The following FARP1 variants were observed in gnomAD, a reference collection of about 807,000 sequenced individuals.
The protein encoded by FARP1 is FERM, ARHGEF and pleckstrin domain-containing protein 1.
FARP1 carries 52 observed loss-of-function variants against 128.8 expected under a neutral mutation model. That is an observed-to-expected ratio of 0.40 (90% CI 0.32 to 0.51). The LOEUF (loss-of-function observed/expected upper bound fraction) is 0.51, where lower values mean the gene tolerates loss of function less well. FARP1 is among the 20% of genes least tolerant of loss of function. The probability of loss-of-function intolerance (pLI) is 0.45; values close to 1 mark genes in which losing one functional copy is unlikely to be tolerated. For synonymous variants in FARP1, 580 were observed against 551.8 expected, an observed-to-expected ratio of 1.05 and a Z score of -0.72; for missense variants, 1,333 against 1,367.9, an observed-to-expected ratio of 0.97 and a Z score of 0.40.
At chr13:98,276,861 G>A (rs1422667172) in intron 2 of FARP1, among the ~76,000 whole-genome samples, 1 of 151,730 alleles carries the variant, frequency 6.6e-6, no homozygotes, top group African/African-American at 2.4e-5. Context: ...GTGTGACCCA[G>A]CAAGGGGGCA....
chr13:98,351,927 A>G (rs1566908596), intron 3 of FARP1, among the ~76,000 whole-genome samples: 1 of 152,192 alleles, frequency 6.6e-6, no homozygotes, highest in East Asian at 1.9e-4. Context: ...TGGGAATCAC[A>G]TTTCAACAAG....
At position 98,435,618 on chromosome 13, in the gene FARP1, G is replaced by C. The variant is rs775372981; in HGVS notation, c.2186G>C (p.Gly729Ala). 2 of 1,613,896 alleles carry C rather than the reference G, an allele frequency of 1.2e-6. No homozygotes were observed. The highest frequency in any genetic ancestry group is 3.3e-5 in the Admixed American group (2 of 60,020). Residue 729 changes from glycine (G) to alanine (A), a missense_variant, in exon 19 of 27, where the codon GGT becomes GCT. Physicochemically the swap from Gly to Ala is moderately conservative, Grantham distance 60. Around this residue, in one of 2 missense-constraint regions of FARP1, gnomAD observed 1,009 missense variants for 969.8 expected, o/e 1.04. Coordinates refer to ENST00000319562, the MANE Select transcript of FARP1 (RefSeq NM_005766.4). The part of the protein sequence containing the change: ...EITEMVAQLH[G>A]TMIKMENFQK... ...ACGGAGATGGTGGCACAGCTCCACGGTACGATGATCAAGATGGAGAATTTC... is the reference window on the plus strand; with the variant it reads ...ACGGAGATGGTGGCACAGCTCCACGCTACGATGATCAAGATGGAGAATTTC...
intron 2 of FARP1, among the ~76,000 whole-genome samples, chr13:98,319,075 G>A (rs145254058): frequency 3.2e-4 from 48 of 149,038 alleles, no homozygotes; most frequent in Non-Finnish European, 5.2e-4. Flanking sequence ...CAGTCCTCCC[G>A]CCTCAGCCTC....
chr13:98,376,479 C>T (rs1390326431), intron 5 of FARP1, among the ~76,000 whole-genome samples: 2 of 152,176 alleles, frequency 1.3e-5, no homozygotes, highest in South Asian at 2.1e-4. Flanking sequence ...AATAGTAATC[C>T]ACTGTGTATA....
At chr13:98,436,313 G>A (rs900472520) in intron 19 of FARP1, among the ~76,000 whole-genome samples, 2 of 152,124 alleles carry the variant, frequency 1.3e-5, no homozygotes, top group African/African-American at 4.8e-5. Flanking sequence ...TTCCAGGCCA[G>A]TGACAATGTG....
At chr13:98,222,150 C>T (rs1454202061) in intron 2 of FARP1, among the ~76,000 whole-genome samples, 4 of 152,128 alleles carry the variant, frequency 2.6e-5, no homozygotes, top group Non-Finnish European at 5.9e-5. Context: ...TCTGTTTCCT[C>T]ATTTATACAA....
intron 1 of FARP1, among the ~76,000 whole-genome samples, chr13:98,186,400 G>A (rs546099271): frequency 2.6e-5 from 4 of 152,130 alleles, no homozygotes; most frequent in East Asian, 1.9e-4. Flanking sequence ...GAGCCACCGC[G>A]CCTGGCGCTC....
chr13:98,168,838 G>A (rs557984002), intron 1 of FARP1, among the ~76,000 whole-genome samples: 11 of 152,264 alleles, frequency 7.2e-5, no homozygotes, highest in Non-Finnish European at 1.5e-4. Context: ...TAGTTGAAAT[G>A]TTCAGGTGTC....
chr13:98,336,530 C>A (rs1887752568), intron 2 of FARP1, among the ~76,000 whole-genome samples: 1 of 152,158 alleles, frequency 6.6e-6, no homozygotes, highest in South Asian at 2.1e-4. Flanking sequence ...CCTTGGCCTC[C>A]CAAAGTGCTG....
chr13:98,240,197 C>T (rs1240040087), intron 2 of FARP1, among the ~76,000 whole-genome samples: 1 of 152,190 alleles, frequency 6.6e-6, no homozygotes, highest in Non-Finnish European at 1.5e-5. Flanking sequence ...TTAGCACAAC[C>T]GATTCAGGGT....
chr13:98,376,967 A>G (rs1432393167), intron 5 of FARP1, among the ~76,000 whole-genome samples: 1 of 151,928 alleles, frequency 6.6e-6, no homozygotes, highest in Non-Finnish European at 1.5e-5. Context: ...TGTATTTTTT[A>G]TCTTACACCA....
chr13:98,156,722 A>T (rs1876519999), intron 1 of FARP1, among the ~76,000 whole-genome samples: 1 of 150,800 alleles, frequency 6.6e-6, no homozygotes, highest in South Asian at 2.1e-4. Flanking sequence ...GGGTTTTTTA[A>T]ATTTAAATTT....
At chr13:98,433,646 G>A (rs1306635677) in intron 18 of FARP1, 1 of 152,664 alleles carries the variant, frequency 6.6e-6, no homozygotes, top group Non-Finnish European at 1.5e-5. Flanking sequence ...ATGAGCCCAG[G>A]AGTTGGAGGC....
intron 2 of FARP1, among the ~76,000 whole-genome samples, chr13:98,296,100 C>T (rs916379518): frequency 3.3e-5 from 5 of 152,208 alleles, no homozygotes; most frequent in South Asian, 2.1e-4. Flanking sequence ...GGATGAGACC[C>T]GAGCATCGAT....
chr13:98,352,524 T>C (rs563256249), intron 3 of FARP1, among the ~76,000 whole-genome samples: 2 of 152,264 alleles, frequency 1.3e-5, no homozygotes, highest in African/African-American at 4.8e-5. Context: ...AAAGCACGCT[T>C]CCATATCCTT....
intron 2 of FARP1, among the ~76,000 whole-genome samples, chr13:98,236,366 G>A (rs1284290721): frequency 6.6e-6 from 1 of 152,172 alleles, no homozygotes; most frequent in African/African-American, 2.4e-5. Flanking sequence ...CATAAATCTA[G>A]TAATATGATA....
At chr13:98,175,451 C>T (rs1877935581) in intron 1 of FARP1, among the ~76,000 whole-genome samples, 1 of 151,960 alleles carries the variant, frequency 6.6e-6, no homozygotes, top group African/African-American at 2.4e-5. Context: ...TCTTGAACCC[C>T]ATCCTCTCCA....
At chr13:98,445,802 G>T in intron 24 of FARP1, 1 of 275,204 alleles carries the variant, frequency 3.6e-6, no homozygotes, top group South Asian at 4.9e-5. Flanking sequence ...ACCCTGCAAC[G>T]AGCCTATTTC....
intron 1 of FARP1, among the ~76,000 whole-genome samples, chr13:98,208,049 G>A (rs1282464478): frequency 6.6e-6 from 1 of 151,124 alleles, no homozygotes; most frequent in Non-Finnish European, 1.5e-5. Flanking sequence ...GATTAACCAG[G>A]CTGGTCTCAT....
Sources: gnomAD v4.1 joint callset for allele counts (sites outside exome capture counted in the v4.1 genomes callset) on GRCh38, gnomAD v4.1.1 for gene constraint, gnomAD v4.1.1 regional missense constraint, MANE v1.5 for transcripts, NCBI Gene and HGNC (gene_info 2026-07-23, HGNC 2026-07-21) for gene names.